The following TAFA1 variants were observed in gnomAD, a reference collection of about 807,000 sequenced individuals.
TAFA1 encodes TAFA chemokine like family member 1.
A neutral mutation model predicts 18.5 loss-of-function variants in TAFA1; 4 were observed. The ratio of observed to expected loss-of-function variants is 0.22; its 90% CI spans 0.11 to 0.49. TAFA1 has a LOEUF of 0.49. Ranked by LOEUF, TAFA1 falls within the 20% of genes least tolerant of loss-of-function variation. TAFA1 has a pLI of 0.98. For missense variants in TAFA1, 147 were observed against 169.0 expected (o/e 0.87, Z 0.72); for synonymous variants, 56 against 55.2 (o/e 1.01, Z -0.06).
At chr3:68,044,609 T>C (rs965356897) in intron 2 of TAFA1, among the ~76,000 whole-genome samples, 2 of 152,294 alleles carry the variant, frequency 1.3e-5, no homozygotes, top group South Asian at 4.1e-4. Flanking sequence ...CTGAAAACAA[T>C]TTCATCTTCT....
intron 2 of TAFA1, among the ~76,000 whole-genome samples, chr3:68,178,586 G>T (rs2066156104): frequency 6.6e-6 from 1 of 152,086 alleles, no homozygotes; most frequent in African/African-American, 2.4e-5. Context: ...AAACAGGCTG[G>T]AAAAAAAGCT....
At chr3:68,430,000 A>C (rs1267740450) in intron 3 of TAFA1, among the ~76,000 whole-genome samples, 1 of 151,964 alleles carries the variant, frequency 6.6e-6, no homozygotes, top group Non-Finnish European at 1.5e-5. Context: ...ACTATGTGCC[A>C]GGAATTATGC....
intron 2 of TAFA1, among the ~76,000 whole-genome samples, chr3:68,252,113 T>A (rs2067207711): frequency 6.6e-6 from 1 of 152,162 alleles, no homozygotes; most frequent in Admixed American, 6.5e-5. Context: ...TCAGTTGGCT[T>A]GTTTCTCATC....
chr3:68,070,033 C>T lies in TAFA1; in HGVS notation c.118+63289C>T, dbSNP rs2064732753. Among the ~76,000 whole-genome samples, 3 of 152,192 alleles carry T rather than the reference C, an allele frequency of 2.0e-5. No homozygotes were observed. The South Asian group carries it at 6.2e-4, about 32-fold the overall frequency. On this transcript the variant is annotated intron_variant, in intron 2 of 4. Transcript: ENST00000478136. ...GCAAGGTGTCAGTGGCTCTACCATT[C>T]TGGGGACTGGGGGATGATTGCCATC... is the stretch of plus-strand genomic sequence containing the variant.
At chr3:68,521,118 A>G (rs1009175163) in intron 3 of TAFA1, among the ~76,000 whole-genome samples, 3 of 152,212 alleles carry the variant, frequency 2.0e-5, no homozygotes, top group Non-Finnish European at 4.4e-5. Flanking sequence ...TATGATGGCT[A>G]TAGTAGCTGC....
intron 2 of TAFA1, among the ~76,000 whole-genome samples, chr3:68,341,016 G>C (rs1468179407): frequency 6.6e-6 from 1 of 152,164 alleles, no homozygotes; most frequent in African/African-American, 2.4e-5. Flanking sequence ...CTAAAAGTTA[G>C]GAAAGAGTGA....
At chr3:68,293,256 C>G (rs1231322290) in intron 2 of TAFA1, among the ~76,000 whole-genome samples, 1 of 152,200 alleles carries the variant, frequency 6.6e-6, no homozygotes, top group African/African-American at 2.4e-5. Flanking sequence ...CACATGCTTT[C>G]TGACATTCAC....
In TAFA1 at chr3:68,185,295, G is replaced by A. The variant is rs548064273; in HGVS notation, c.118+178551G>A. Among the ~76,000 whole-genome samples, 16 of 152,176 alleles carry A rather than the reference G, an allele frequency of 1.1e-4. No homozygotes were observed. In the East Asian group the frequency reaches 3.1e-3, roughly 30 times the overall value. Reference sequence around the variant, plus strand: ...AAATAGAGCAAATCACATTTGGGGAGCCAACATCAATAAAGAAGAATGGAC... The same window carrying A: ...AAATAGAGCAAATCACATTTGGGGAACCAACATCAATAAAGAAGAATGGAC... On this transcript the variant is annotated intron_variant, in intron 2 of 4. Transcript: ENST00000478136.
chr3:68,527,532 T>C (rs987975129), intron 3 of TAFA1, among the ~76,000 whole-genome samples: 3 of 152,168 alleles, frequency 2.0e-5, no homozygotes, highest in Non-Finnish European at 4.4e-5. Flanking sequence ...TACTTAATGG[T>C]TAAATTACTT....
At chr3:68,119,780 T>C (rs1332989580) in intron 2 of TAFA1, among the ~76,000 whole-genome samples, 3 of 152,200 alleles carry the variant, frequency 2.0e-5, no homozygotes, top group Admixed American at 2.0e-4. Context: ...CCACTGTAGT[T>C]GTAATTAGTT....
intron 3 of TAFA1, among the ~76,000 whole-genome samples, chr3:68,464,327 A>T (rs2106930854): frequency 6.6e-6 from 1 of 152,338 alleles, no homozygotes; most frequent in South Asian, 2.1e-4. Context: ...GTGAAATTAC[A>T]ATGAGGAAAA....
At chr3:68,296,866 A>T (rs745536691) in intron 2 of TAFA1, among the ~76,000 whole-genome samples, 1 of 152,244 alleles carries the variant, frequency 6.6e-6, no homozygotes, top group South Asian at 2.1e-4. Context: ...AAAAATTAAC[A>T]GTAGTAAATA....
chr3:68,047,520 A>G (rs1170024727), intron 2 of TAFA1, among the ~76,000 whole-genome samples: 1 of 152,170 alleles, frequency 6.6e-6, no homozygotes, highest in African/African-American at 2.4e-5. Flanking sequence ...AATGGGATCT[A>G]TTCTTTCTTT....
chr3:68,373,050 T>A (rs1559638988), intron 2 of TAFA1, among the ~76,000 whole-genome samples: 1 of 152,176 alleles, frequency 6.6e-6, no homozygotes, highest in African/African-American at 2.4e-5. Flanking sequence ...ACTCACTGAA[T>A]TGTAAGCATC....
intron 2 of TAFA1, among the ~76,000 whole-genome samples, chr3:68,020,644 G>T (rs954715503): frequency 6.6e-5 from 10 of 152,040 alleles, no homozygotes; most frequent in Non-Finnish European, 1.5e-4. Context: ...ATGAAAAGAT[G>T]CACATAGAAG....
chr3:68,498,722 C>CTTTGTTTTTTTT (rs2072598727), intron 3 of TAFA1, among the ~76,000 whole-genome samples: 1 of 97,028 alleles, frequency 1.0e-5, no homozygotes, highest in African/African-American at 4.8e-5. Context: ...CGTTTGGTGG[C>CTTTGTTTTTTTT]TTTTTTTTTT....
At chr3:68,291,767 A>G (rs1015318605) in intron 2 of TAFA1, among the ~76,000 whole-genome samples, 4 of 152,180 alleles carry the variant, frequency 2.6e-5, no homozygotes, top group Admixed American at 1.3e-4. Flanking sequence ...TGTCCCTAAA[A>G]CCACAAATCA....
rs990326942 is a variant in TAFA1, at chr3:68,137,243, CT to C, written c.118+130510del. The stretch of plus-strand genomic sequence containing the variant: ...CAAACTATTTCATATAGATGTCCTG[CT>C]TTTTTTTTTTCTTTTAGTTCCCAAA... On this transcript the variant is annotated intron_variant, in intron 2 of 4. Transcript: ENST00000478136. Among the ~76,000 whole-genome samples the C allele has an allele frequency of 3.2e-3, 472 of 145,980 alleles. 1 individual carries two copies. The highest frequency in any genetic ancestry group is 8.9e-3 in the African/African-American group (358 of 40,052).
chr3:68,401,221 G>A (rs2070482427), intron 2 of TAFA1, among the ~76,000 whole-genome samples: 1 of 152,154 alleles, frequency 6.6e-6, no homozygotes, highest in Non-Finnish European at 1.5e-5. Flanking sequence ...CAATCAGGAG[G>A]TTAAGGAGGG....
Sources: allele counts gnomAD v4.1 joint callset (sites outside exome capture counted in the v4.1 genomes callset), GRCh38; gene constraint gnomAD v4.1.1; transcripts MANE v1.5; gene names NCBI Gene and HGNC (gene_info 2026-07-23, HGNC 2026-07-21).